Variants in CD200 observed in about 807,000 individuals in gnomAD.
The protein encoded by CD200 is CD200 molecule.
In CD200, 15 loss-of-function variants were observed where a neutral mutation model predicts 30.9. That is an observed-to-expected ratio of 0.49 (90% CI 0.32 to 0.75). The LOEUF (loss-of-function observed/expected upper bound fraction) is 0.75, where lower values mean the gene tolerates loss of function less well. Among genes scored for constraint, CD200 ranks in the 30% least tolerant of loss-of-function variants. The pLI is 0.03. For synonymous variants in CD200, 134 were observed against 126.2 expected, an observed-to-expected ratio of 1.06 and a Z score of -0.41; for missense variants, 262 against 324.2, an observed-to-expected ratio of 0.81 and a Z score of 1.47.
chr3:112,355,210 C>CCATA (rs780867156), intron 5 of CD200, among the ~76,000 whole-genome samples: 1 of 152,092 alleles, frequency 6.6e-6, no homozygotes, highest in Non-Finnish European at 1.5e-5. Flanking sequence ...CTCTGTAATT[C>CCATA]CATAGCCTTT....
chr3:112,339,278 C>T (rs1413230808), intron 1 of CD200, among the ~76,000 whole-genome samples: 3 of 152,084 alleles, frequency 2.0e-5, no homozygotes, highest in Non-Finnish European at 4.4e-5. Flanking sequence ...ATTTTAGTTT[C>T]AAAAGCCAAA....
intron 5 of CD200, among the ~76,000 whole-genome samples, chr3:112,357,105 T>C (rs1289910329): frequency 1.3e-5 from 2 of 151,246 alleles, no homozygotes; most frequent in Non-Finnish European, 2.9e-5. Context: ...ACTAAAAATA[T>C]AAAAAATTAG....
chr3:112,350,707 A>G (rs1357824911), intron 5 of CD200, among the ~76,000 whole-genome samples: 2 of 152,222 alleles, frequency 1.3e-5, no homozygotes, highest in African/African-American at 4.8e-5. Flanking sequence ...ACTGAAGGAT[A>G]GGGGTCAGGA....
chr3:112,354,226 T>G (rs1221442526), intron 5 of CD200, among the ~76,000 whole-genome samples: 1 of 152,214 alleles, frequency 6.6e-6, no homozygotes, highest in East Asian at 1.9e-4. Context: ...CATCTCAGTC[T>G]CCTGCCCAAT....
chr3:112,359,139 G>A (rs908283329), intron 5 of CD200, among the ~76,000 whole-genome samples: 5 of 152,122 alleles, frequency 3.3e-5, no homozygotes, highest in Non-Finnish European at 7.4e-5. Context: ...GATGGAGGGA[G>A]AAAGATATAT....
chr3:112,357,028 G>A (rs1315370200), intron 5 of CD200, among the ~76,000 whole-genome samples: 1 of 152,144 alleles, frequency 6.6e-6, no homozygotes, highest in African/African-American at 2.4e-5. Context: ...TTGGGAGGCC[G>A]AGGCGGGCGG....
chr3:112,342,413 CTTTCTTTCTTTCTTTCT>C (rs1559783578), intron 2 of CD200, among the ~76,000 whole-genome samples: 7 of 64,948 alleles, frequency 1.1e-4, no homozygotes, highest in Admixed American at 3.8e-4. Context: ...TTCTTTCTTT[CTTTCTTTCTTTCTTTCT>C]TCTCTCTCTT....
intron 5 of CD200, among the ~76,000 whole-genome samples, chr3:112,353,779 C>T (rs556088113): frequency 7.2e-5 from 11 of 152,226 alleles, no homozygotes; most frequent in Admixed American, 3.9e-4. Context: ...GCCCTCTGTC[C>T]GGGCTGTATG....
At chr3:112,341,345 G>A (rs188815697) in intron 2 of CD200, among the ~76,000 whole-genome samples, 53 of 152,324 alleles carry the variant, frequency 3.5e-4, no homozygotes, top group Non-Finnish European at 6.5e-4. Flanking sequence ...TAATCTGGCA[G>A]TAAGCCTTAA....
intron 5 of CD200, among the ~76,000 whole-genome samples, chr3:112,358,726 C>G (rs1415814401): frequency 6.6e-6 from 1 of 152,118 alleles, no homozygotes; most frequent in Non-Finnish European, 1.5e-5. Flanking sequence ...AGCACTGATT[C>G]ATGAGTTTTG....
chr3:112,355,680 A>C (rs1336882748), intron 5 of CD200, among the ~76,000 whole-genome samples: 3 of 152,222 alleles, frequency 2.0e-5, no homozygotes, highest in African/African-American at 7.2e-5. Context: ...TATAGATTTT[A>C]GGAGCCTCAA....
intron 5 of CD200, among the ~76,000 whole-genome samples, chr3:112,350,934 G>A (rs923634719): frequency 1.8e-4 from 27 of 152,246 alleles, no homozygotes; most frequent in African/African-American, 6.5e-4. Context: ...AGCCTTCAGT[G>A]TCAGTGGCCC....
intron 5 of CD200, among the ~76,000 whole-genome samples, chr3:112,351,927 C>A (rs748868419): frequency 1.3e-5 from 2 of 152,102 alleles, no homozygotes; most frequent in Admixed American, 6.6e-5. Context: ...GGCTGTTTTA[C>A]CAGCTCTCAT....
intron 1 of CD200, among the ~76,000 whole-genome samples, chr3:112,336,310 A>C (rs917622165): frequency 6.6e-6 from 1 of 151,982 alleles, no homozygotes; most frequent in Non-Finnish European, 1.5e-5. Context: ...TGTGGCAGGT[A>C]AAGGAGGAGA....
chr3:112,354,849 T>G (rs995058669), intron 5 of CD200, among the ~76,000 whole-genome samples: 1 of 152,180 alleles, frequency 6.6e-6, no homozygotes, highest in Non-Finnish European at 1.5e-5. Context: ...TTTCCTGCTT[T>G]TAGAGACTGC....
intron 2 of CD200, among the ~76,000 whole-genome samples, chr3:112,342,289 C>T (rs2081255857): frequency 2.3e-5 from 1 of 42,902 alleles, no homozygotes; most frequent in African/African-American, 9.7e-5. Context: ...TTCCTTCCTT[C>T]CTTCCTTCCT....
chr3:112,332,777 TAA>T (rs34938268), upstream of CD200: 39,591 of 153,350 alleles, frequency 0.26, 5,143 homozygotes, highest in Non-Finnish European at 0.32. Context: ...GTTTTTTCTT[TAA>T]AAAAAAAAAA....
intron 3 of CD200, among the ~76,000 whole-genome samples, chr3:112,347,168 T>C (rs949048693): frequency 2.6e-5 from 4 of 152,238 alleles, no homozygotes; most frequent in Admixed American, 2.6e-4. Context: ...TTGGTGGTTA[T>C]TGTCAAGCCA....
chr3:112,333,571 C>G (rs1012300561), intron 1 of CD200: 20 of 985,298 alleles, frequency 2.0e-5, no homozygotes, highest in Admixed American at 6.1e-5. Context: ...CTCACTGGCT[C>G]CAGCTCCCAA....
Sources: gnomAD v4.1 joint callset for allele counts (sites outside exome capture counted in the v4.1 genomes callset) on GRCh38, gnomAD v4.1.1 for gene constraint, MANE v1.5 for transcripts, NCBI Gene and HGNC (gene_info 2026-07-23, HGNC 2026-07-21) for gene names.